Variants in IPO11 observed in about 807,000 individuals in gnomAD.
The protein encoded by IPO11 is importin 11, also known as importin-11.
A neutral mutation model predicts 143.2 loss-of-function variants in IPO11; 66 were observed. The observed-to-expected ratio is 0.46, with a 90% CI of 0.38 to 0.57. The LOEUF (loss-of-function observed/expected upper bound fraction) is 0.57, where lower values mean the gene tolerates loss of function less well. IPO11 is among the 20% of genes least tolerant of loss of function. The probability of loss-of-function intolerance (pLI) is 0.00; values close to 1 mark genes in which losing one functional copy is unlikely to be tolerated. For synonymous variants in IPO11, 385 were observed against 377.8 expected (o/e 1.02, Z -0.22); for missense variants, 1,026 against 1,141.0 (o/e 0.90, Z 1.45).
chr5:62,593,446 C>A (rs899056936), intron 28 of IPO11, among the ~76,000 whole-genome samples: 1 of 151,936 alleles, frequency 6.6e-6, no homozygotes, highest in Non-Finnish European at 1.5e-5. Flanking sequence ...GTCTGGAATT[C>A]GAGACCAGCC....
chr5:62,534,450 T>G (rs1383002215), intron 22 of IPO11, among the ~76,000 whole-genome samples: 2 of 152,174 alleles, frequency 1.3e-5, no homozygotes, highest in African/African-American at 4.8e-5. Flanking sequence ...GGAATATATA[T>G]GTAAAATACA....
chr5:62,501,509 G>T (rs942052770), intron 16 of IPO11, among the ~76,000 whole-genome samples: 8 of 152,038 alleles, frequency 5.3e-5, no homozygotes, highest in Non-Finnish European at 1.2e-4. Flanking sequence ...ATGACCTTGA[G>T]AATTTTTTTC....
At chr5:62,426,403 A>G (rs550457909) in intron 1 of IPO11, among the ~76,000 whole-genome samples, 9 of 152,262 alleles carry the variant, frequency 5.9e-5, no homozygotes, top group Admixed American at 3.9e-4. Flanking sequence ...AGACAAACAA[A>G]CAAACTATTG....
At chr5:62,580,662 A>G in intron 27 of IPO11, 1 of 1,551,522 alleles carries the variant, frequency 6.4e-7, no homozygotes. Flanking sequence ...TTACATCTTC[A>G]ATAAATGTAT....
chr5:62,474,425 C>A lies in IPO11; in HGVS notation c.718C>A (p.His240Asn), dbSNP rs563098431. The stretch of plus-strand genomic sequence containing the variant: ...TAATATTCTTTTCTAGGGTTTTTTA[C>A]ATGGAATATTTGAACGTCTAAAACA... Reference protein sequence around the residue: ...HKNMEVMGFLHGIFERLKQFL... With the variant: ...HKNMEVMGFLNGIFERLKQFL... The change falls in exon 8 of 30, where the codon CAT becomes AAT. Residue 240 changes from histidine to asparagine, a missense_variant. Physicochemically the swap from His to Asn is moderately conservative, Grantham distance 68 (BLOSUM62 1). Around this residue, in one of 5 missense-constraint regions of IPO11, gnomAD observed 429 missense variants for 456.3 expected, o/e 0.94. Coordinates refer to ENST00000325324, the MANE Select transcript of IPO11 (RefSeq NM_016338.5). 3 of 1,554,380 alleles carry A rather than the reference C, an allele frequency of 1.9e-6. No individual in the cohort carries two copies. The highest frequency in any genetic ancestry group is 2.3e-5 in the East Asian group (1 of 43,118).
chr5:62,596,268 C>CAAAAAA (rs71608515), intron 28 of IPO11, among the ~76,000 whole-genome samples: 2,873 of 95,540 alleles, frequency 0.03, 161 homozygotes, highest in Non-Finnish European at 0.038. Flanking sequence ...GGCCCTGTCT[C>CAAAAAA]AAAAAAAAAA....
intron 19 of IPO11, among the ~76,000 whole-genome samples, chr5:62,513,235 C>T (rs548506950): frequency 1.3e-3 from 197 of 151,582 alleles, no homozygotes; most frequent in Non-Finnish European, 2.5e-3. Context: ...ATCTCCCTCC[C>T]AGACGGGGCG....
At chr5:62,575,871 T>C (rs1354404769) in intron 27 of IPO11, 1 of 152,246 alleles carries the variant, frequency 6.6e-6, no homozygotes, top group Non-Finnish European at 1.5e-5. Flanking sequence ...ATCTCCTACA[T>C]TGAGCAAAAG....
intron 1 of IPO11, chr5:62,419,241 A>T: frequency 3.4e-6 from 4 of 1,187,898 alleles, no homozygotes; most frequent in Non-Finnish European, 4.5e-6. Flanking sequence ...TGGAGCTTGG[A>T]GGACTGGAAA....
rs150036763 is a variant in IPO11 at position 62,484,287 on chromosome 5, A to C, written c.1174+125A>C. The C allele has an allele frequency of 4.7e-4, 352 of 748,998 alleles. 1 individual carries two copies. The African/African-American group carries it at 5.8e-3, about 12-fold the overall frequency. The allele number at this position is 748,998 out of a possible 1,614,324, so 46.4% of individuals were successfully genotyped here. A position where few individuals can be genotyped will look rare whatever the true frequency, so the allele number is the denominator to read the frequency against. Reference sequence around the variant, plus strand: ...TGATCTGGAAATCTTGGTGTTTTAAAATTAACTTACTCTTTCGTTGTTATC... The same window carrying C: ...TGATCTGGAAATCTTGGTGTTTTAACATTAACTTACTCTTTCGTTGTTATC... On this transcript the variant is annotated intron_variant, in intron 11 of 29. Coordinates refer to ENST00000325324, the MANE Select transcript of IPO11 (RefSeq NM_016338.5).
chr5:62,532,286 A>G (rs940798861), intron 22 of IPO11, among the ~76,000 whole-genome samples: 5 of 152,162 alleles, frequency 3.3e-5, no homozygotes, highest in African/African-American at 1.2e-4. Context: ...ACTGTATGAC[A>G]CTATTTTTAG....
At chr5:62,428,995 C>G (rs1202737231) in intron 1 of IPO11, among the ~76,000 whole-genome samples, 1 of 152,126 alleles carries the variant, frequency 6.6e-6, no homozygotes, top group Non-Finnish European at 1.5e-5. Flanking sequence ...TTTACATAAT[C>G]AAAGCACTTA....
chr5:62,421,923 T>C (rs1479963770), intron 1 of IPO11, among the ~76,000 whole-genome samples: 2 of 152,194 alleles, frequency 1.3e-5, no homozygotes, highest in Non-Finnish European at 2.9e-5. Context: ...AACCAGTAAA[T>C]GGAAACTACC....
intron 26 of IPO11, among the ~76,000 whole-genome samples, chr5:62,551,541 C>T (rs950771042): frequency 6.6e-6 from 1 of 152,094 alleles, no homozygotes; most frequent in Non-Finnish European, 1.5e-5. Context: ...TTTGTCCTCG[C>T]TCAAAATAGG....
intron 29 of IPO11, among the ~76,000 whole-genome samples, chr5:62,613,640 C>T (rs961200722): frequency 1.3e-5 from 2 of 152,090 alleles, no homozygotes; most frequent in African/African-American, 2.4e-5. Context: ...TGACATTCTT[C>T]CTTATTGGCA....
chr5:62,507,609 C>A (rs1741596729), intron 19 of IPO11, among the ~76,000 whole-genome samples: 1 of 152,034 alleles, frequency 6.6e-6, no homozygotes, highest in Admixed American at 6.6e-5. Flanking sequence ...CTTCAGGGTA[C>A]TATAAAGTTG....
intron 5 of IPO11, among the ~76,000 whole-genome samples, chr5:62,466,162 T>TCC: frequency 6.6e-6 from 1 of 152,190 alleles, no homozygotes; most frequent in Non-Finnish European, 1.5e-5. Flanking sequence ...ACAGGATGTT[T>TCC]TGCCAAGACT....
At chr5:62,508,097 C>A (rs1204275899) in intron 19 of IPO11, among the ~76,000 whole-genome samples, 3 of 152,008 alleles carry the variant, frequency 2.0e-5, no homozygotes, top group Admixed American at 2.0e-4. Flanking sequence ...GACGTTTGTC[C>A]ATGAGGCAGC....
In IPO11 at chr5:62,520,369, C is replaced by T. The variant is rs190552525; in HGVS notation, c.1896+4868C>T. ...TTACTTTCATCATCTTGAAGAGATA[C>T]GACAGATTTTTTTTTTTTTAACACT... is the stretch of plus-strand genomic sequence containing the variant. On this transcript the variant is annotated intron_variant, in intron 20 of 29. Transcript: ENST00000325324. Among the ~76,000 whole-genome samples the T allele has an allele frequency of 2.1e-3, 315 of 150,844 alleles. 2 individuals are homozygous for T. Among genetic ancestry groups the T allele is most frequent in the African/African-American group, 7.4e-3 (300 of 40,298 alleles).
Sources: gnomAD v4.1 joint callset for allele counts (sites outside exome capture counted in the v4.1 genomes callset) on GRCh38, gnomAD v4.1.1 for gene constraint, gnomAD v4.1.1 regional missense constraint, MANE v1.5 for transcripts, NCBI Gene and HGNC (gene_info 2026-07-23, HGNC 2026-07-21) for gene names.